ATRNL1: variants seen among roughly 807,000 people sequenced by gnomAD.
ATRNL1 encodes the protein attractin-like protein 1.
In ATRNL1, 95 loss-of-function variants were observed where a neutral mutation model predicts 182.7. The ratio of observed to expected loss-of-function variants is 0.52; its 90% CI spans 0.44 to 0.62. The LOEUF is 0.62. ATRNL1 is among the 20% of genes least tolerant of loss of function. The pLI, the probability that ATRNL1 is intolerant of heterozygous loss-of-function variation, is 0.00. For synonymous variants in ATRNL1, 576 were observed against 568.3 expected, an observed-to-expected ratio of 1.01 and a Z score of -0.19; for missense variants, 1,471 against 1,679.5, an observed-to-expected ratio of 0.88 and a Z score of 2.17.
intron 28 of ATRNL1, among the ~76,000 whole-genome samples, chr10:115,902,117 C>T (rs984477972): frequency 1.1e-4 from 17 of 152,162 alleles, no homozygotes; most frequent in Admixed American, 5.2e-4. Context: ...GTCTATCCTT[C>T]GCATCAATGA....
chr10:115,481,725 CTTATAT>C (rs1848780035), intron 24 of ATRNL1, among the ~76,000 whole-genome samples: 1 of 150,466 alleles, frequency 6.6e-6, no homozygotes, highest in Admixed American at 6.7e-5. Context: ...TATTTATAAT[CTTATAT>C]TTATATCTCA....
At chr10:115,414,579 A>G (rs1421817538) in intron 20 of ATRNL1, among the ~76,000 whole-genome samples, 1 of 151,982 alleles carries the variant, frequency 6.6e-6, no homozygotes, top group African/African-American at 2.4e-5. Flanking sequence ...CAGTATACTC[A>G]GAGAGATTAT....
chr10:115,811,852 A>G (rs1353285931), intron 27 of ATRNL1, among the ~76,000 whole-genome samples: 5 of 152,136 alleles, frequency 3.3e-5, no homozygotes, highest in African/African-American at 7.2e-5. Context: ...TATACAGGTA[A>G]GAAACATTTA....
intron 24 of ATRNL1, among the ~76,000 whole-genome samples, chr10:115,499,787 ACTGGGAGG>A (rs2133625379): frequency 6.6e-6 from 1 of 152,320 alleles, no homozygotes; most frequent in Admixed American, 6.5e-5. Flanking sequence ...CGTTGAATGA[ACTGGGAGG>A]CTGGTTGGCC....
intron 28 of ATRNL1, among the ~76,000 whole-genome samples, chr10:115,892,646 C>T (rs1952107752): frequency 6.6e-6 from 1 of 152,190 alleles, no homozygotes; most frequent in Non-Finnish European, 1.5e-5. Flanking sequence ...TGAGTTTCCT[C>T]AAGCCACCCA....
At chr10:115,202,634 C>T (rs1300487448) in intron 8 of ATRNL1, among the ~76,000 whole-genome samples, 3 of 147,016 alleles carry the variant, frequency 2.0e-5, no homozygotes, top group Non-Finnish European at 4.5e-5. Context: ...TTCGGTTTGC[C>T]AGTATTTTAT....
At chr10:115,752,842 G>A (rs145827449) in intron 27 of ATRNL1, among the ~76,000 whole-genome samples, 151 of 152,118 alleles carry the variant, frequency 9.9e-4, no homozygotes, top group Non-Finnish European at 1.8e-3. Context: ...AGTAAGTAGC[G>A]TTCTTTTCAT....
intron 5 of ATRNL1, among the ~76,000 whole-genome samples, chr10:115,131,594 G>A (rs1845239346): frequency 6.6e-6 from 1 of 152,124 alleles, no homozygotes. Flanking sequence ...AGTGAGGTAA[G>A]AAGAGGAGAT....
At chr10:115,707,432 C>T (rs1481558533) in intron 26 of ATRNL1, among the ~76,000 whole-genome samples, 2 of 151,520 alleles carry the variant, frequency 1.3e-5, no homozygotes, top group African/African-American at 2.4e-5. Context: ...TGGGATGATT[C>T]GTACAGTGAG....
intron 27 of ATRNL1, among the ~76,000 whole-genome samples, chr10:115,771,472 C>T (rs1171726391): frequency 6.6e-6 from 1 of 152,208 alleles, no homozygotes; most frequent in African/African-American, 2.4e-5. Context: ...CCTCGTGATC[C>T]GCCCGCCTAG....
intron 19 of ATRNL1, among the ~76,000 whole-genome samples, chr10:115,337,728 A>G (rs1855559459): frequency 6.6e-6 from 1 of 152,154 alleles, no homozygotes; most frequent in African/African-American, 2.4e-5. Flanking sequence ...ACAGGATCTC[A>G]TTCTTTTTTA....
chr10:115,460,253 G>A (rs1224742865), intron 21 of ATRNL1, among the ~76,000 whole-genome samples: 2 of 151,784 alleles, frequency 1.3e-5, no homozygotes, highest in East Asian at 1.9e-4. Flanking sequence ...TATCTACTAC[G>A]CATGCTCCTG....
chr10:115,185,601 A>G (rs1191338798), intron 8 of ATRNL1, among the ~76,000 whole-genome samples: 11 of 152,092 alleles, frequency 7.2e-5, no homozygotes, highest in Admixed American at 7.2e-4. Flanking sequence ...GCAGACTGTC[A>G]TAGCTGGAGT....
At chr10:115,770,772 C>A (rs750959507) in intron 27 of ATRNL1, among the ~76,000 whole-genome samples, 15 of 151,930 alleles carry the variant, frequency 9.9e-5, no homozygotes, top group Non-Finnish European at 1.5e-4. Flanking sequence ...AGAATAAAAC[C>A]TTAATAAAAC....
At chr10:115,765,389 C>A (rs1593186225) in intron 27 of ATRNL1, among the ~76,000 whole-genome samples, 1 of 152,244 alleles carries the variant, frequency 6.6e-6, no homozygotes, top group East Asian at 1.9e-4. Flanking sequence ...TATCTCATTG[C>A]TGTTTTACTT....
chr10:115,856,804 C>T (rs1951200009), intron 28 of ATRNL1, among the ~76,000 whole-genome samples: 1 of 152,186 alleles, frequency 6.6e-6, no homozygotes, highest in Non-Finnish European at 1.5e-5. Context: ...CATTGCACAA[C>T]TTCTGCTGTG....
At chr10:115,711,440 G>A (rs1469058938) in intron 26 of ATRNL1, among the ~76,000 whole-genome samples, 1 of 152,172 alleles carries the variant, frequency 6.6e-6, no homozygotes, top group Admixed American at 6.5e-5. Context: ...GAGCAGGAGA[G>A]AAGCTAGGAG....
At chr10:115,698,024 T>C (rs1555050376) in intron 26 of ATRNL1, among the ~76,000 whole-genome samples, 1 of 152,214 alleles carries the variant, frequency 6.6e-6, no homozygotes, top group Non-Finnish European at 1.5e-5. Context: ...TGATTTATGC[T>C]CTTTGTCACA....
At chr10:115,169,925 A>G (rs1847219085) in intron 7 of ATRNL1, among the ~76,000 whole-genome samples, 1 of 151,946 alleles carries the variant, frequency 6.6e-6, no homozygotes, top group South Asian at 2.1e-4. Flanking sequence ...TATTTTCCCA[A>G]TTTCATTTTT....
Sources: gnomAD v4.1 joint callset for allele counts (sites outside exome capture counted in the v4.1 genomes callset) on GRCh38, gnomAD v4.1.1 for gene constraint, MANE v1.5 for transcripts, NCBI Gene and HGNC (gene_info 2026-07-23, HGNC 2026-07-21) for gene names.